Variants in SEMA3E observed in about 807,000 individuals in gnomAD.
SEMA3E encodes semaphorin 3E.
In SEMA3E, 49 loss-of-function variants were observed where a neutral mutation model predicts 93.6. That is an observed-to-expected ratio of 0.52 (90% CI 0.42 to 0.66). The LOEUF (loss-of-function observed/expected upper bound fraction) is 0.66. Ranked by LOEUF, SEMA3E falls within the 30% of genes least tolerant of loss-of-function variation. The pLI is 0.00. For synonymous variants in SEMA3E, 363 were observed against 330.7 expected (o/e 1.10, Z -1.06); for missense variants, 906 against 964.8 (o/e 0.94, Z 0.81).
At chr7:83,468,657 C>T (rs146409767) in intron 3 of SEMA3E, among the ~76,000 whole-genome samples, 1,835 of 152,060 alleles carry the variant, frequency 0.012, 40 homozygotes, top group African/African-American at 0.042. Flanking sequence ...AGCCACTGCT[C>T]GCATGTGAAA....
rs770587376 is a variant in SEMA3E, at chr7:83,435,591, G to A, written c.457-17108C>T. 7.3e-5 allele frequency among the ~76,000 whole-genome samples: 11 copies of A among 151,476 alleles called. No individual in the cohort carries two copies. In the South Asian group the frequency reaches 8.3e-4, roughly 11 times the overall value. ...AGCGTGGGAGACAGAGCGAACCTCC[G>A]TCCAAAAAAAATAAAATAAATAAAG... On this transcript the variant is annotated intron_variant, in intron 4 of 16. Coordinates refer to ENST00000643230, the MANE Select transcript of SEMA3E (RefSeq NM_012431.3).
At chr7:83,492,554 T>G (rs1207433913) in intron 1 of SEMA3E, among the ~76,000 whole-genome samples, 1 of 152,128 alleles carries the variant, frequency 6.6e-6, no homozygotes, top group East Asian at 1.9e-4. Flanking sequence ...TCTTGTAACC[T>G]ATTCTTCCTC....
rs114209519 is a variant in SEMA3E at position 83,608,071 on chromosome 7, G to A, written c.115+40357C>T. On this transcript the variant is annotated intron_variant, in intron 1 of 16. Transcript: ENST00000643230. ...ACTAAAGACGCAAAAAATTAGCTGG[G>A]CATGGTGACATGCACCTGTCAATCC... Among the ~76,000 whole-genome samples, 173 of 152,114 alleles carry A rather than the reference G, an allele frequency of 1.1e-3. 2 individuals carry two copies. The highest frequency in any genetic ancestry group is 4.1e-3 in the African/African-American group (172 of 41,510).
chr7:83,467,054 A>G, intron 3 of SEMA3E, among the ~76,000 whole-genome samples: 1 of 111,482 alleles, frequency 9.0e-6, no homozygotes, highest in East Asian at 3.0e-4. Flanking sequence ...GGAAATATGC[A>G]GTCTTTTTTT....
chr7:83,546,049 A>T (rs142997246), intron 1 of SEMA3E, among the ~76,000 whole-genome samples: 1 of 147,286 alleles, frequency 6.8e-6, no homozygotes, highest in East Asian at 2.0e-4. Flanking sequence ...ATATAATTAT[A>T]TATGTACACA....
intron 4 of SEMA3E, among the ~76,000 whole-genome samples, chr7:83,446,289 A>G (rs952612593): frequency 2.0e-5 from 3 of 152,238 alleles, no homozygotes; most frequent in Admixed American, 1.3e-4. Context: ...GACCACATGT[A>G]TATAGGCTCA....
chr7:83,539,852 TTTC>T (rs1791482004), intron 1 of SEMA3E, among the ~76,000 whole-genome samples: 1 of 137,860 alleles, frequency 7.3e-6, no homozygotes. Flanking sequence ...TGTTTTGTTG[TTTC>T]TGTGTGTGTG....
chr7:83,526,142 T>C (rs1014228696), intron 1 of SEMA3E, among the ~76,000 whole-genome samples: 1 of 152,090 alleles, frequency 6.6e-6, no homozygotes, highest in African/African-American at 2.4e-5. Flanking sequence ...ACACATTTCT[T>C]CCCAAGTTGA....
At chr7:83,597,824 T>G (rs892310236) in intron 1 of SEMA3E, among the ~76,000 whole-genome samples, 3 of 152,162 alleles carry the variant, frequency 2.0e-5, no homozygotes, top group African/African-American at 7.2e-5. Flanking sequence ...GTACTACCCC[T>G]GATGTTCCTA....
intron 2 of SEMA3E, among the ~76,000 whole-genome samples, chr7:83,473,596 A>AT (rs1325199221): frequency 6.6e-6 from 1 of 152,166 alleles, no homozygotes; most frequent in African/African-American, 2.4e-5. Context: ...AAAATCTTGC[A>AT]TAAAAATCCA....
rs777918555 is a variant in SEMA3E, at chr7:83,538,419, A to AT, written c.116-48146dup. Reference sequence around the variant, plus strand: ...GTATCTTATTATAGTTTTGATTTGCATTTTTCTGATGCCTAGTTATGTTGA... The same window carrying AT: ...GTATCTTATTATAGTTTTGATTTGCATTTTTTCTGATGCCTAGTTATGTTGA... On this transcript the variant is annotated intron_variant, in intron 1 of 16. Coordinates refer to ENST00000643230, the MANE Select transcript of SEMA3E (RefSeq NM_012431.3). Among the ~76,000 whole-genome samples, 9 of 151,964 alleles carry AT rather than the reference A, an allele frequency of 5.9e-5. 1 individual carries two copies. The highest frequency in any genetic ancestry group is 6.6e-5 in the Admixed American group (1 of 15,252).
chr7:83,600,170 T>A (rs1792957315), intron 1 of SEMA3E, among the ~76,000 whole-genome samples: 1 of 152,140 alleles, frequency 6.6e-6, no homozygotes, highest in African/African-American at 2.4e-5. Context: ...CTCTGGCAGC[T>A]TTGTTCATAA....
intron 1 of SEMA3E, among the ~76,000 whole-genome samples, chr7:83,569,742 T>A (rs1792235778): frequency 6.6e-6 from 1 of 152,272 alleles, no homozygotes. Flanking sequence ...AAACAAGTTC[T>A]CCTTGACTAT....
At chr7:83,602,132 G>A (rs1336649766) in intron 1 of SEMA3E, among the ~76,000 whole-genome samples, 1 of 152,136 alleles carries the variant, frequency 6.6e-6, no homozygotes, top group Non-Finnish European at 1.5e-5. Flanking sequence ...GTTACCTGGG[G>A]AATGAGATGG....
intron 1 of SEMA3E, among the ~76,000 whole-genome samples, chr7:83,509,083 TA>T (rs1290558054): frequency 4.6e-5 from 7 of 152,194 alleles, no homozygotes; most frequent in African/African-American, 1.7e-4. Flanking sequence ...ATTAAAGTTT[TA>T]CAACTTTTAT....
intron 14 of SEMA3E, among the ~76,000 whole-genome samples, chr7:83,390,937 A>C (rs1250622413): frequency 6.6e-6 from 1 of 152,188 alleles, no homozygotes; most frequent in African/African-American, 2.4e-5. Context: ...TGCTCAATTA[A>C]AATTCATTAT....
At chr7:83,456,660 C>G (rs1789487110) in intron 4 of SEMA3E, among the ~76,000 whole-genome samples, 1 of 149,606 alleles carries the variant, frequency 6.7e-6, no homozygotes, top group African/African-American at 2.5e-5. Context: ...GTTGCCCAGG[C>G]CGGAGTGCAA....
chr7:83,632,070 G>C (rs747598031), intron 1 of SEMA3E, among the ~76,000 whole-genome samples: 1 of 151,280 alleles, frequency 6.6e-6, no homozygotes, highest in South Asian at 2.1e-4. Flanking sequence ...CAGGAGAATC[G>C]CTTGAACCTG....
At chr7:83,417,782 A>G (rs1788583195) in intron 5 of SEMA3E, among the ~76,000 whole-genome samples, 1 of 152,146 alleles carries the variant, frequency 6.6e-6, no homozygotes, top group Non-Finnish European at 1.5e-5. Context: ...ATTGTTTGGT[A>G]CTTTGTCTAA....
Sources: allele counts gnomAD v4.1 joint callset (sites outside exome capture counted in the v4.1 genomes callset), GRCh38; gene constraint gnomAD v4.1.1; transcripts MANE v1.5; gene names NCBI Gene and HGNC (gene_info 2026-07-23, HGNC 2026-07-21).